Variants in APOO observed in about 807,000 individuals in gnomAD.
APOO encodes MICOS complex subunit MIC26.
Under a neutral mutation model 23.1 loss-of-function variants are expected in APOO, and 11 were observed. The ratio of observed to expected loss-of-function variants is 0.48; its 90% CI spans 0.30 to 0.79. APOO has a LOEUF of 0.79. Ranked by LOEUF, APOO falls within the 30% of genes least tolerant of loss-of-function variation. The pLI is 0.07. For synonymous variants in APOO, 59 were observed against 54.8 expected, an observed-to-expected ratio of 1.08 and a Z score of -0.34; for missense variants, 160 against 142.7, an observed-to-expected ratio of 1.12 and a Z score of -0.62.
intron 2 of APOO, 81 bp downstream of exon 2, chrX:23,880,764 T>C: frequency 2.5e-6 from 1 of 407,708 alleles, no homozygotes; most frequent in Non-Finnish European, 3.9e-6. Context: ...CACATCTTCC[T>C]GATATACAAT....
intron 1 of APOO, among the ~76,000 whole-genome samples, chrX:23,881,615 G>A (rs1926138464): frequency 1.1e-5 from 1 of 89,765 alleles, no homozygotes; most frequent in Non-Finnish European, 2.1e-5. Flanking sequence ...GAGGAGGAGA[G>A]TTATGGTTTA....
At chrX:23,897,168 G>T (rs1279104236) in intron 1 of APOO, among the ~76,000 whole-genome samples, 3 of 111,982 alleles carry the variant, frequency 2.7e-5, no homozygotes. Flanking sequence ...ACCAAGTTCT[G>T]TTTCATCTTT....
At chrX:23,887,130 G>A (rs923213629) in intron 1 of APOO, among the ~76,000 whole-genome samples, 3 of 109,627 alleles carry the variant, frequency 2.7e-5, no homozygotes, top group African/African-American at 1.0e-4. Flanking sequence ...TGAACACAAA[G>A]GTATTCTCTC....
At chrX:23,876,196 G>A (rs4460576) in intron 3 of APOO, among the ~76,000 whole-genome samples, 12,899 of 110,269 alleles carry the variant, frequency 0.12, 886 homozygotes, top group South Asian at 0.51. Context: ...CCCAGAGGCG[G>A]TGCTTGCGGT....
chrX:23,852,377 T>G (rs1924579925), intron 7 of APOO, among the ~76,000 whole-genome samples: 1 of 109,882 alleles, frequency 9.1e-6, no homozygotes, highest in Admixed American at 9.7e-5. Context: ...GGCGGGCAGA[T>G]CACGAGGTCA....
intron 7 of APOO, among the ~76,000 whole-genome samples, chrX:23,843,307 A>G (rs1378787015): frequency 9.0e-6 from 1 of 111,448 alleles, no homozygotes; most frequent in African/African-American, 3.3e-5. Context: ...ATAACAAAAC[A>G]GCACAGTCCA....
At chrX:23,841,063 G>A (rs180715810) in intron 7 of APOO, among the ~76,000 whole-genome samples, 8 of 112,125 alleles carry the variant, frequency 7.1e-5, no homozygotes, top group Admixed American at 6.7e-4. Context: ...CACATTAATA[G>A]TCAGAGATCA....
At chrX:23,840,752 TA>T (rs1923930702) in intron 7 of APOO, 1 of 121,771 alleles carries the variant, frequency 8.2e-6, no homozygotes, top group African/African-American at 3.2e-5. Flanking sequence ...AAAAAATCAA[TA>T]TATCTTCCTT....
chrX:23,860,568 A>G (rs1423722774), intron 5 of APOO, among the ~76,000 whole-genome samples: 1 of 109,841 alleles, frequency 9.1e-6, no homozygotes, highest in Non-Finnish European at 1.9e-5. Context: ...GCTGGAGTGC[A>G]GTGGCACAAT....
intron 7 of APOO, among the ~76,000 whole-genome samples, chrX:23,850,812 G>A (rs1924501832): frequency 9.0e-6 from 1 of 111,635 alleles, no homozygotes; most frequent in Non-Finnish European, 1.9e-5. Flanking sequence ...GAGCAACAGA[G>A]TGAGACTCCG....
Position 23,836,915 on chromosome X carries a change from C to T in APOO, c.*30-3303G>A, listed in dbSNP as rs757149942. The stretch of plus-strand genomic sequence containing the variant: ...AATTCATCTTTCTGGGCTTGAGATA[C>T]TGAACAAGCAACACCTGGTCTCATC... On this transcript the variant is annotated intron_variant, in intron 8 of 8. Transcript: ENST00000379226. The T allele has an allele frequency of 7.7e-6, 9 of 1,165,366 alleles. No individual in the cohort carries two copies. In the South Asian group the frequency reaches 1.1e-4, roughly 14 times the overall value.
intron 7 of APOO, 194 bp from the exon 8 acceptor site, chrX:23,840,571 A>G (rs7886064): frequency 0.4 from 127,646 of 317,005 alleles, 23,619 homozygotes; most frequent in African/African-American, 0.89. Context: ...TCTCGCAGTT[A>G]CCGACCATTA....
chrX:23,849,230 G>A (rs1390137464), intron 7 of APOO, among the ~76,000 whole-genome samples: 1 of 108,748 alleles, frequency 9.2e-6, no homozygotes, highest in Admixed American at 1.0e-4. Flanking sequence ...GAGCCACTGC[G>A]CCCGGCCAAT....
intron 7 of APOO, among the ~76,000 whole-genome samples, chrX:23,850,357 C>T (rs1404737641): frequency 8.9e-6 from 1 of 111,887 alleles, no homozygotes; most frequent in Non-Finnish European, 1.9e-5. Context: ...AGCCATCACA[C>T]TGGCAAAAAT....
chrX:23,874,459 T>TA lies in APOO; in HGVS notation c.238-3dup. 8.3e-7 allele frequency: 1 copy of TA among 1,200,193 alleles called. No homozygotes were observed. The highest frequency in any genetic ancestry group is 3.0e-5 in the East Asian group (1 of 33,778). ...GGGCTTAGTTTGGGAGTACGTTTCC[T>TA]AAAAAGGTAAAAAGAAACTGAATGA... On this transcript the variant is annotated splice_region_variant and splice_polypyrimidine_tract_variant and intron_variant, in intron 3 of 8. Coordinates refer to ENST00000379226, the MANE Select transcript of APOO (RefSeq NM_024122.5).
At chrX:23,903,391 C>A (rs1350588008) in intron 1 of APOO, among the ~76,000 whole-genome samples, 1 of 109,800 alleles carries the variant, frequency 9.1e-6, no homozygotes, top group Non-Finnish European at 1.9e-5. Context: ...AAAAATGGAG[C>A]ATTTGAGGCC....
In APOO at chrX:23,879,029, T is replaced by C; in HGVS notation, c.123A>G (p.Ser41=). Residue 41 remains serine, a synonymous_variant, in exon 3 of 9, where the codon TCA becomes TCG. Coordinates refer to ENST00000379226, the MANE Select transcript of APOO (RefSeq NM_024122.5). The part of the protein sequence containing the change: ...PKNSVKVDEL[S]LYSVPEGQSK... ...ATTGACCCTCAGGAACTGAGTAGAG[T>C]GAAAGCTGCGCACATTAAAACAAAA... The C allele has an allele frequency of 8.3e-7, 1 of 1,209,696 alleles. No individual in the cohort carries two copies.
chrX:23,859,759 T>C (rs1025721279), intron 5 of APOO, among the ~76,000 whole-genome samples: 1 of 112,098 alleles, frequency 8.9e-6, no homozygotes, highest in Admixed American at 9.5e-5. Context: ...GTATTTCATA[T>C]AAATGGAATC....
At chrX:23,891,507 G>C (rs6629759) in intron 1 of APOO, among the ~76,000 whole-genome samples, 1 of 111,651 alleles carries the variant, frequency 9.0e-6, no homozygotes, top group African/African-American at 3.2e-5. Context: ...GATTATAGGC[G>C]TGAGCCACCA....
Sources: allele counts gnomAD v4.1 joint callset (sites outside exome capture counted in the v4.1 genomes callset), GRCh38; gene constraint gnomAD v4.1.1; transcripts MANE v1.5; gene names NCBI Gene and HGNC (gene_info 2026-07-23, HGNC 2026-07-21).